The following GRM7 variants were observed in gnomAD, a reference collection of about 807,000 sequenced individuals.
GRM7 encodes the protein metabotropic glutamate receptor 7.
A neutral mutation model predicts 84.5 loss-of-function variants in GRM7; 35 were observed. The ratio of observed to expected loss-of-function variants is 0.41; its 90% confidence interval spans 0.32 to 0.55. The LOEUF (loss-of-function observed/expected upper bound fraction) is 0.55. Ranked by LOEUF, GRM7 falls within the 20% of genes least tolerant of loss-of-function variation. GRM7 has a pLI of 0.19. For missense variants in GRM7, 1,003 were observed against 1,194.6 expected (o/e 0.84, Z 2.36); for synonymous variants, 487 against 455.1 (o/e 1.07, Z -0.89).
intron 1 of GRM7, among the ~76,000 whole-genome samples, chr3:6,992,439 A>G (rs1372300556): frequency 6.6e-6 from 1 of 152,244 alleles, no homozygotes; most frequent in Non-Finnish European, 1.5e-5. Flanking sequence ...GTGAGCTGAT[A>G]AGTGGGTAAG....
At chr3:7,039,810 A>G (rs568040277) in intron 1 of GRM7, among the ~76,000 whole-genome samples, 2 of 152,194 alleles carry the variant, frequency 1.3e-5, no homozygotes, top group East Asian at 3.9e-4. Flanking sequence ...TTTTGTAGCT[A>G]TGTGGCTCTT....
At chr3:7,313,112 A>G (rs1700464019) in intron 4 of GRM7, among the ~76,000 whole-genome samples, 2 of 151,664 alleles carry the variant, frequency 1.3e-5, no homozygotes. Flanking sequence ...TATTTTTAGT[A>G]GAGATGGGGT....
intron 7 of GRM7, among the ~76,000 whole-genome samples, chr3:7,573,838 G>A (rs1005761996): frequency 2.0e-5 from 3 of 152,110 alleles, no homozygotes; most frequent in Admixed American, 1.3e-4. Flanking sequence ...TACTATCCAC[G>A]TAAGAATTTG....
chr3:7,236,395 A>G (rs919880381), intron 2 of GRM7, among the ~76,000 whole-genome samples: 9 of 152,210 alleles, frequency 5.9e-5, no homozygotes, highest in African/African-American at 2.2e-4. Flanking sequence ...AGAAAAGGGA[A>G]GTAGTAGATT....
intron 1 of GRM7, among the ~76,000 whole-genome samples, chr3:7,000,660 C>A (rs1286928816): frequency 7.2e-5 from 11 of 152,144 alleles, no homozygotes; most frequent in Admixed American, 6.5e-4. Context: ...CAACCACAAG[C>A]CTTTGTGAAA....
At chr3:7,634,693 C>A (rs548760581) in intron 8 of GRM7, among the ~76,000 whole-genome samples, 1 of 151,470 alleles carries the variant, frequency 6.6e-6, no homozygotes, top group Non-Finnish European at 1.5e-5. Flanking sequence ...ACTCGGGAGG[C>A]TGAGGCAGGA....
At chr3:7,056,412 C>A (rs1697223294) in intron 1 of GRM7, among the ~76,000 whole-genome samples, 1 of 151,996 alleles carries the variant, frequency 6.6e-6, no homozygotes. Context: ...GTTGGCTTAT[C>A]ACCTCAGTCC....
intron 2 of GRM7, among the ~76,000 whole-genome samples, chr3:7,238,300 A>T (rs1697418095): frequency 6.6e-6 from 1 of 152,034 alleles, no homozygotes; most frequent in African/African-American, 2.4e-5. Flanking sequence ...GGTTCATCAC[A>T]TTTGCTTCTG....
chr3:7,243,742 T>C (rs901203902), intron 2 of GRM7, among the ~76,000 whole-genome samples: 32 of 152,236 alleles, frequency 2.1e-4, no homozygotes, highest in African/African-American at 7.5e-4. Context: ...ATTTCATCAT[T>C]GTGTGAGCAT....
In GRM7 at chr3:6,984,498, A is replaced by C. The variant is rs1694326919; in HGVS notation, c.519+122591A>C. On this transcript the variant is annotated intron_variant, in intron 1 of 9. Transcript: ENST00000357716. The stretch of plus-strand genomic sequence containing the variant: ...ATTTATGTGTTATCTATTTTTTTTC[A>C]AGAATTATTCTTAATAGTAATCACA... Among the ~76,000 whole-genome samples the C allele has an allele frequency of 3.3e-5, 5 of 152,188 alleles. No homozygotes were observed. The South Asian group carries it at 1.0e-3, about 31-fold the overall frequency.
chr3:7,638,577 T>A, intron 8 of GRM7, among the ~76,000 whole-genome samples: 1 of 152,220 alleles, frequency 6.6e-6, no homozygotes, highest in East Asian at 1.9e-4. Flanking sequence ...TCTTTCTAAA[T>A]GAAAAATGGA....
chr3:6,899,136 A>G (rs2125000378), intron 1 of GRM7, among the ~76,000 whole-genome samples: 1 of 152,310 alleles, frequency 6.6e-6, no homozygotes, highest in Non-Finnish European at 1.5e-5. Flanking sequence ...GGTGATAATG[A>G]TCATAATAAG....
intron 2 of GRM7, among the ~76,000 whole-genome samples, chr3:7,195,510 A>G (rs1048836382): frequency 6.6e-6 from 1 of 152,184 alleles, no homozygotes; most frequent in African/African-American, 2.4e-5. Flanking sequence ...TGCAAGTTCT[A>G]AAGTAAGAGA....
At chr3:7,093,612 G>T (rs1309529675) in intron 1 of GRM7, among the ~76,000 whole-genome samples, 1 of 138,740 alleles carries the variant, frequency 7.2e-6, no homozygotes, top group Non-Finnish European at 1.5e-5. Context: ...AGGAGGCAGA[G>T]GTTGCAGTAA....
chr3:7,029,140 C>T (rs573891443), intron 1 of GRM7, among the ~76,000 whole-genome samples: 1 of 152,102 alleles, frequency 6.6e-6, no homozygotes, highest in South Asian at 2.1e-4. Flanking sequence ...CCTGTCTCAA[C>T]TAAAAATACA....
chr3:6,939,800 T>A (rs1158597631), intron 1 of GRM7, among the ~76,000 whole-genome samples: 3 of 152,176 alleles, frequency 2.0e-5, no homozygotes, highest in African/African-American at 7.2e-5. Flanking sequence ...AAGGATGTTT[T>A]CTGGTTTCTA....
chr3:7,015,703 G>A lies in GRM7; in HGVS notation c.520-130749G>A, dbSNP rs954064657. Among the ~76,000 whole-genome samples the A allele has an allele frequency of 1.0e-3, 152 of 152,280 alleles. 1 individual carries two copies. The highest frequency in any genetic ancestry group is 3.4e-3 in the African/African-American group (141 of 41,564). ...TACATTTCCAACATTCCTCCTTCAT[G>A]TGGCTATTGGCAGAAAGCCCTCTTT... On this transcript the variant is annotated intron_variant, in intron 1 of 9. Transcript: ENST00000357716.
chr3:7,116,361 T>A (rs1693032675), intron 1 of GRM7, among the ~76,000 whole-genome samples: 1 of 152,152 alleles, frequency 6.6e-6, no homozygotes, highest in South Asian at 2.1e-4. Context: ...ACACTTCTAT[T>A]TGCATATTGA....
At chr3:7,354,803 A>G (rs1693319542) in intron 4 of GRM7, among the ~76,000 whole-genome samples, 2 of 152,200 alleles carry the variant, frequency 1.3e-5, no homozygotes, top group African/African-American at 4.8e-5. Flanking sequence ...GTATGTAACT[A>G]TTGATTTAAC....
Sources: allele counts gnomAD v4.1 joint callset (sites outside exome capture counted in the v4.1 genomes callset), GRCh38; gene constraint gnomAD v4.1.1; transcripts MANE v1.5; gene names NCBI Gene and HGNC (gene_info 2026-07-23, HGNC 2026-07-21).